Variants in UBE4B observed in about 807,000 individuals in gnomAD.
UBE4B encodes ubiquitin conjugation factor E4 B.
A neutral mutation model predicts 148.1 loss-of-function variants in UBE4B; 27 were observed. That is an observed-to-expected ratio of 0.18 (90% confidence interval 0.13 to 0.25). The LOEUF (loss-of-function observed/expected upper bound fraction) is 0.25. UBE4B is among the 10% of genes least tolerant of loss of function. UBE4B has a pLI of 1.00. For synonymous variants in UBE4B, 596 were observed against 619.3 expected (o/e 0.96, Z 0.56); for missense variants, 1,170 against 1,662.4 (o/e 0.70, Z 5.15).
At chr1:10,105,355 A>C (rs76270792) in intron 5 of UBE4B, among the ~76,000 whole-genome samples, 161 bp from the exon 6 acceptor site, 2 of 152,230 alleles carry the variant, frequency 1.3e-5, no homozygotes, top group African/African-American at 4.8e-5. Context: ...CTAACTAAAC[A>C]CAAGGCTTTA....
At chr1:10,156,548 A>G (rs527668173) in intron 21 of UBE4B, among the ~76,000 whole-genome samples, 6 of 152,196 alleles carry the variant, frequency 3.9e-5, no homozygotes, top group African/African-American at 1.2e-4. Context: ...ACATATTGCT[A>G]CATAATAAAT....
chr1:10,147,482 G>A lies in UBE4B; in HGVS notation c.2591+392G>A, dbSNP rs573349784. ...CACTCCAGCCTGGGCGACAGAGCGAGACTCTGTCCCCACCCAAAAAAAAAG... is the reference window on the plus strand; with the variant it reads ...CACTCCAGCCTGGGCGACAGAGCGAAACTCTGTCCCCACCCAAAAAAAAAG... On this transcript the variant is annotated intron_variant, in intron 19 of 27. Transcript: ENST00000343090. 2.0e-5 allele frequency among the ~76,000 whole-genome samples: 3 copies of A among 152,086 alleles called. No homozygotes were observed. In the East Asian group the frequency reaches 5.8e-4, roughly 29 times the overall value.
chr1:10,152,259 A>AAATAATAATAATAAT (rs60838123), intron 21 of UBE4B, among the ~76,000 whole-genome samples: 64 of 141,340 alleles, frequency 4.5e-4, no homozygotes, highest in African/African-American at 1.6e-3. Context: ...ACTCCGTCTC[A>AAATAATAATAATAAT]AATAATAATA....
chr1:10,136,801 C>G (rs191681496), intron 16 of UBE4B, among the ~76,000 whole-genome samples: 25 of 152,126 alleles, frequency 1.6e-4, no homozygotes, highest in African/African-American at 6.0e-4. Flanking sequence ...CGCCTGTAAT[C>G]CCAGCTTACT....
chr1:10,160,203 G>T (rs1381559783), intron 22 of UBE4B, among the ~76,000 whole-genome samples: 1 of 152,142 alleles, frequency 6.6e-6, no homozygotes, highest in Non-Finnish European at 1.5e-5. Context: ...TCCTTAGATT[G>T]GAGGCTTCCA....
At chr1:10,064,766 CTT>C (rs1210924189) in intron 1 of UBE4B, among the ~76,000 whole-genome samples, 9 of 139,146 alleles carry the variant, frequency 6.5e-5, no homozygotes, top group Admixed American at 7.3e-5. Flanking sequence ...CTATTCTGGA[CTT>C]TTTTTTTTTT....
chr1:10,108,975 T>C (rs975089943), intron 7 of UBE4B, among the ~76,000 whole-genome samples: 2 of 152,186 alleles, frequency 1.3e-5, no homozygotes, highest in Non-Finnish European at 2.9e-5. Flanking sequence ...AACAACCGTA[T>C]CAGATTGTGT....
At chr1:10,079,094 C>T (rs1473476114) in intron 2 of UBE4B, among the ~76,000 whole-genome samples, 2 of 152,170 alleles carry the variant, frequency 1.3e-5, no homozygotes, top group Non-Finnish European at 2.9e-5. Flanking sequence ...ATTGGGATTA[C>T]AGGCATGGAG....
rs959527353 is a variant in UBE4B at position 10,130,177 on chromosome 1, G to A, written c.1696-323G>A. Among the ~76,000 whole-genome samples the A allele has an allele frequency of 6.6e-5, 10 of 151,910 alleles. No individual in the cohort carries two copies. In the East Asian group the frequency reaches 9.8e-4, roughly 15 times the overall value. Reference sequence around the variant, plus strand: ...CAACCTCTGCCTCCTGGGTTCAAGCGATTCTCTTGGCCTCAGCCTCCCCAG... The same window carrying A: ...CAACCTCTGCCTCCTGGGTTCAAGCAATTCTCTTGGCCTCAGCCTCCCCAG... On this transcript the variant is annotated intron_variant, in intron 12 of 27. Coordinates refer to ENST00000343090, the MANE Select transcript of UBE4B (RefSeq NM_001105562.3).
intron 7 of UBE4B, among the ~76,000 whole-genome samples, chr1:10,110,845 A>G (rs1645205720): frequency 6.6e-6 from 1 of 151,992 alleles, no homozygotes; most frequent in Non-Finnish European, 1.5e-5. Flanking sequence ...AAAAGAAATC[A>G]TTCTGGCTGG....
At position 10,076,251 on chromosome 1, in the gene UBE4B, T is replaced by C. The variant is rs565437668; in HGVS notation, c.211+4037T>C. ...AAAGTGCTTCTTTCTTTCTTTCTTT[T>C]TTTTTTTTTTTTTGAGACAGTCTCA... On this transcript the variant is annotated intron_variant, in intron 2 of 27. Transcript: ENST00000343090. 7.7e-4 allele frequency among the ~76,000 whole-genome samples: 115 copies of C among 150,188 alleles called. 1 individual carries two copies. In the Middle Eastern group the frequency reaches 0.017, roughly 22 times the overall value.
chr1:10,158,914 G>A (rs931230303), intron 22 of UBE4B, among the ~76,000 whole-genome samples: 1 of 151,678 alleles, frequency 6.6e-6, no homozygotes, highest in African/African-American at 2.4e-5. Context: ...GGAAGCTGAG[G>A]CAGGAGAATC....
chr1:10,142,764 C>T (rs1006909282), intron 17 of UBE4B, among the ~76,000 whole-genome samples: 1 of 152,122 alleles, frequency 6.6e-6, no homozygotes, highest in African/African-American at 2.4e-5. Flanking sequence ...CGTTCCTCTG[C>T]TCCTTATCAC....
At chr1:10,087,864 T>A (rs966652880) in intron 2 of UBE4B, among the ~76,000 whole-genome samples, 1 of 152,218 alleles carries the variant, frequency 6.6e-6, no homozygotes, top group African/African-American at 2.4e-5. Context: ...GGGAAGTACA[T>A]ATGTAATCTG....
chr1:10,140,674 G>C (rs1196203896), intron 17 of UBE4B, among the ~76,000 whole-genome samples: 1 of 152,188 alleles, frequency 6.6e-6, no homozygotes, highest in African/African-American at 2.4e-5. Flanking sequence ...GCTTGCAGCA[G>C]ATAGCCTTTA....
intron 7 of UBE4B, chr1:10,107,489 T>C (rs1419120772): frequency 1.2e-5 from 14 of 1,151,582 alleles, no homozygotes; most frequent in Admixed American, 3.5e-5. Flanking sequence ...TCAAATGAGG[T>C]GGGCTCCAGA....
intron 1 of UBE4B, among the ~76,000 whole-genome samples, chr1:10,035,922 T>G (rs1643508357): frequency 6.7e-6 from 1 of 150,038 alleles, no homozygotes; most frequent in Non-Finnish European, 1.5e-5. Flanking sequence ...TTTTTGTGTT[T>G]TTAGTAGAGA....
At chr1:10,056,686 A>G (rs1435115480) in intron 1 of UBE4B, among the ~76,000 whole-genome samples, 5 of 152,238 alleles carry the variant, frequency 3.3e-5, no homozygotes, top group African/African-American at 1.2e-4. Context: ...CCCAGCTGGA[A>G]ACAGGTGCAG....
chr1:10,092,019 G>A (rs1171507045), intron 2 of UBE4B, among the ~76,000 whole-genome samples: 1 of 151,936 alleles, frequency 6.6e-6, no homozygotes, highest in East Asian at 1.9e-4. Context: ...AAAAGTGCTG[G>A]GATTACAGAT....
Sources: allele counts gnomAD v4.1 joint callset (sites outside exome capture counted in the v4.1 genomes callset), GRCh38; gene constraint gnomAD v4.1.1; transcripts MANE v1.5; gene names NCBI Gene and HGNC (gene_info 2026-07-23, HGNC 2026-07-21).